ST6GALNAC3: variants seen among roughly 807,000 people sequenced by gnomAD.
ST6GALNAC3 encodes ST6 N-acetylgalactosaminide alpha-2,6-sialyltransferase 3.
A neutral mutation model predicts 32.7 loss-of-function variants in ST6GALNAC3; 25 were observed. The ratio of observed to expected loss-of-function variants is 0.76; its 90% CI spans 0.56 to 1.07. ST6GALNAC3 has a LOEUF of 1.07. Ranked by LOEUF, ST6GALNAC3 falls within the 50% of genes least tolerant of loss-of-function variation. ST6GALNAC3 has a pLI of 0.00. For synonymous variants in ST6GALNAC3, 129 were observed against 133.1 expected (o/e 0.97, Z 0.21); for missense variants, 355 against 382.4 (o/e 0.93, Z 0.60).
At chr1:76,098,718 T>C (rs1423173450) in intron 1 of ST6GALNAC3, among the ~76,000 whole-genome samples, 1 of 152,142 alleles carries the variant, frequency 6.6e-6, no homozygotes, top group Non-Finnish European at 1.5e-5. Context: ...TTCTTCCACA[T>C]TTTAGCTTGT....
intron 3 of ST6GALNAC3, 52 bp from the exon 4 acceptor site, chr1:76,627,400 G>T (rs949583870): frequency 8.6e-6 from 10 of 1,156,878 alleles, no homozygotes; most frequent in Non-Finnish European, 1.3e-5. Flanking sequence ...TGTTCTGTGT[G>T]TGTGTTCTGT....
At chr1:76,567,980 A>G (rs1570303609) in intron 3 of ST6GALNAC3, among the ~76,000 whole-genome samples, 1 of 152,178 alleles carries the variant, frequency 6.6e-6, no homozygotes, top group Non-Finnish European at 1.5e-5. Flanking sequence ...GATTATTGCT[A>G]TGTTGATTTC....
intron 1 of ST6GALNAC3, among the ~76,000 whole-genome samples, chr1:76,246,688 C>G (rs1486440357): frequency 6.6e-6 from 1 of 152,150 alleles, no homozygotes; most frequent in African/African-American, 2.4e-5. Context: ...ACTGGTTATT[C>G]TAGTTAACAG....
chr1:76,241,871 A>G (rs1656985858), intron 1 of ST6GALNAC3, among the ~76,000 whole-genome samples: 1 of 152,140 alleles, frequency 6.6e-6, no homozygotes, highest in African/African-American at 2.4e-5. Flanking sequence ...TATGTGTGTG[A>G]CTCACATTAC....
At chr1:76,626,629 A>G (rs1247585654) in intron 3 of ST6GALNAC3, among the ~76,000 whole-genome samples, 3 of 151,752 alleles carry the variant, frequency 2.0e-5, no homozygotes, top group Non-Finnish European at 4.4e-5. Flanking sequence ...TTCCTGAAAT[A>G]CCTTTTCCTC....
intron 3 of ST6GALNAC3, among the ~76,000 whole-genome samples, chr1:76,623,218 G>A (rs1219996236): frequency 6.6e-6 from 1 of 151,902 alleles, no homozygotes; most frequent in Non-Finnish European, 1.5e-5. Context: ...GGTCTTGACG[G>A]CATCATTTTC....
At chr1:76,155,211 C>A (rs540545350) in intron 1 of ST6GALNAC3, among the ~76,000 whole-genome samples, 13 of 152,140 alleles carry the variant, frequency 8.5e-5, no homozygotes, top group African/African-American at 2.9e-4. Flanking sequence ...TTTCCTGGAC[C>A]TTTGAACCTA....
chr1:76,606,375 G>A (rs188096921), intron 3 of ST6GALNAC3, among the ~76,000 whole-genome samples: 115 of 152,264 alleles, frequency 7.6e-4, no homozygotes, highest in African/African-American at 2.7e-3. Flanking sequence ...ACATGGAATA[G>A]TATGAAGCCA....
intron 3 of ST6GALNAC3, among the ~76,000 whole-genome samples, chr1:76,587,917 G>A (rs1002929937): frequency 3.3e-5 from 5 of 152,150 alleles, no homozygotes; most frequent in East Asian, 3.9e-4. Flanking sequence ...CCATCGGTTA[G>A]GATCCACCAG....
chr1:76,112,744 G>A (rs1407842104), intron 1 of ST6GALNAC3, among the ~76,000 whole-genome samples: 3 of 151,682 alleles, frequency 2.0e-5, no homozygotes, highest in Middle Eastern at 3.2e-3. Flanking sequence ...CAGACGGGGC[G>A]GCAGGGCAGA....
At chr1:76,114,239 T>C (rs568560113) in intron 1 of ST6GALNAC3, among the ~76,000 whole-genome samples, 185 of 152,294 alleles carry the variant, frequency 1.2e-3, no homozygotes, top group South Asian at 2.5e-3. Flanking sequence ...TGAAAAAATA[T>C]AGACAGCATG....
At chr1:76,543,747 T>C (rs1019166687) in intron 3 of ST6GALNAC3, among the ~76,000 whole-genome samples, 3 of 152,098 alleles carry the variant, frequency 2.0e-5, no homozygotes, top group African/African-American at 7.2e-5. Flanking sequence ...CTCCCATGCC[T>C]CCTAGTAACA....
At chr1:76,496,870 C>T (rs1660880575) in intron 3 of ST6GALNAC3, among the ~76,000 whole-genome samples, 1 of 152,190 alleles carries the variant, frequency 6.6e-6, no homozygotes, top group Non-Finnish European at 1.5e-5. Flanking sequence ...CCTATGTCTG[C>T]ATCCTGAAGT....
intron 1 of ST6GALNAC3, among the ~76,000 whole-genome samples, chr1:76,213,883 A>C (rs1655313449): frequency 6.6e-6 from 1 of 152,228 alleles, no homozygotes; most frequent in Non-Finnish European, 1.5e-5. Context: ...TATCAGAGAT[A>C]AAGTGTATGA....
At chr1:76,341,276 C>G (rs903367689) in intron 2 of ST6GALNAC3, among the ~76,000 whole-genome samples, 2 of 151,792 alleles carry the variant, frequency 1.3e-5, no homozygotes, top group African/African-American at 4.8e-5. Context: ...ACCCAATGTT[C>G]AGCTCCTGCT....
intron 2 of ST6GALNAC3, among the ~76,000 whole-genome samples, chr1:76,383,200 T>G (rs964974242): frequency 4.6e-5 from 7 of 152,048 alleles, no homozygotes; most frequent in Non-Finnish European, 8.8e-5. Context: ...AATAAAATAT[T>G]TGTGGATAAA....
chr1:76,091,897 T>C (rs1168668261), intron 1 of ST6GALNAC3, among the ~76,000 whole-genome samples: 4 of 152,234 alleles, frequency 2.6e-5, no homozygotes, highest in African/African-American at 9.6e-5. Flanking sequence ...GAGCCATTCA[T>C]GACTGTATGT....
intron 3 of ST6GALNAC3, among the ~76,000 whole-genome samples, chr1:76,494,481 A>T (rs867222315): frequency 7.2e-6 from 1 of 138,936 alleles, no homozygotes. Context: ...ACACACACAC[A>T]CACACTTTCC....
chr1:76,365,042 C>T (rs1650261039), intron 2 of ST6GALNAC3, among the ~76,000 whole-genome samples: 3 of 152,020 alleles, frequency 2.0e-5, no homozygotes, highest in South Asian at 2.1e-4. Flanking sequence ...ATCACAGCAC[C>T]ATTCACAATA....
Sources: gnomAD v4.1 joint callset for allele counts (sites outside exome capture counted in the v4.1 genomes callset) on GRCh38, gnomAD v4.1.1 for gene constraint, MANE v1.5 for transcripts, NCBI Gene and HGNC (gene_info 2026-07-23, HGNC 2026-07-21) for gene names.